FAM43A: variants seen among roughly 807,000 people sequenced by gnomAD.
The protein encoded by FAM43A is family with sequence similarity 43 member A.
Under a neutral mutation model 15.7 loss-of-function variants are expected in FAM43A, and 11 were observed. The ratio of observed to expected loss-of-function variants is 0.70; its 90% CI spans 0.44 to 1.16. The LOEUF (loss-of-function observed/expected upper bound fraction) is 1.16. Ranked by LOEUF, FAM43A falls within the 50% of genes most tolerant of loss-of-function variation. The pLI is 0.00. For synonymous variants in FAM43A, 319 were observed against 291.7 expected (o/e 1.09, Z -0.96); for missense variants, 573 against 620.0 (o/e 0.92, Z 0.80).
Position 194,688,120 on chromosome 3 carries a change from G to C in FAM43A, c.*22G>C, listed in dbSNP as rs1349154654. The C allele has an allele frequency of 1.5e-6, 2 of 1,321,600 alleles. No homozygotes were observed. Among genetic ancestry groups the C allele is most frequent in the Admixed American group, 3.4e-5 (1 of 29,670 alleles). The allele number at this position is 1,321,600 out of a possible 1,614,324, so 81.9% of individuals were successfully genotyped here. A position where few individuals can be genotyped will look rare whatever the true frequency, so the allele number is the denominator to read the frequency against. Reference sequence around the variant, plus strand: ...CTGAGCTCCTCCGCGCGTCGCCGGCGCTCCACCGTGGCTACCCATCCGTGG... The same window carrying C: ...CTGAGCTCCTCCGCGCGTCGCCGGCCCTCCACCGTGGCTACCCATCCGTGG... On this transcript the variant is annotated 3_prime_UTR_variant, in exon 1 of 1. Coordinates refer to ENST00000329759, the MANE Select transcript of FAM43A (RefSeq NM_153690.5).
At position 194,688,652 on chromosome 3, in the gene FAM43A, A is replaced by G. The variant is rs1719485147; in HGVS notation, c.*554A>G. The G allele has an allele frequency of 6.0e-6, 1 of 167,258 alleles. No individual in the cohort carries two copies. Among genetic ancestry groups the G allele is most frequent in the East Asian group, 1.9e-4 (1 of 5,176 alleles). 10.4% of individuals were successfully genotyped at this position (167,258 alleles called of 1,614,324 possible). The stretch of plus-strand genomic sequence containing the variant: ...AGACTCAGACCCCTGAAATGTTGCC[A>G]AATTCTTCAAATAACTGTTTGGGGG... On this transcript the variant is annotated 3_prime_UTR_variant, in exon 1 of 1. Transcript: ENST00000329759.
chr3:194,688,116 C>T lies in FAM43A; in HGVS notation c.*18C>T, dbSNP rs779116440. On this transcript the variant is annotated 3_prime_UTR_variant, in exon 1 of 1. Coordinates refer to ENST00000329759, the MANE Select transcript of FAM43A (RefSeq NM_153690.5). Reference sequence around the variant, plus strand: ...CGGGCTGAGCTCCTCCGCGCGTCGCCGGCGCTCCACCGTGGCTACCCATCC... The same window carrying T: ...CGGGCTGAGCTCCTCCGCGCGTCGCTGGCGCTCCACCGTGGCTACCCATCC... 14 of 1,321,578 alleles carry T rather than the reference C, an allele frequency of 1.1e-5. No individual in the cohort carries two copies. The highest frequency in any genetic ancestry group is 3.0e-5 in the East Asian group (1 of 33,584). The allele number at this position is 1,321,578 out of a possible 1,614,324, so 81.9% of individuals were successfully genotyped here. A position where few individuals can be genotyped will look rare whatever the true frequency, so the allele number is the denominator to read the frequency against.
Position 194,688,094 on chromosome 3 carries a change from G to A in FAM43A, c.1268G>A (p.Gly423Asp). ...GCCAGTGCAGACGAGCCCCACTCGG[G>A]CTGAGCTCCTCCGCGCGTCGCCGGC... ...DGASADEPHS[G>D] Residue 423 changes from glycine (G) to aspartate (D), a missense_variant, in exon 1 of 1, where the codon GGC becomes GAC. Transcript: ENST00000329759. The A allele has an allele frequency of 7.4e-7, 1 of 1,349,100 alleles. No homozygotes were observed. Among genetic ancestry groups the A allele is most frequent in the Non-Finnish European group, 9.6e-7 (1 of 1,045,440 alleles). The allele number at this position is 1,349,100 out of a possible 1,614,324, so 83.6% of individuals were successfully genotyped here. A position where few individuals can be genotyped will look rare whatever the true frequency, so the allele number is the denominator to read the frequency against.
rs368898442 is a variant in FAM43A, at chr3:194,686,319, G to A, written c.-508G>A. 9.2e-5 allele frequency among the ~76,000 whole-genome samples: 14 copies of A among 152,212 alleles called. No individual in the cohort carries two copies. Among genetic ancestry groups the A allele is most frequent in the African/African-American group, 2.7e-4 (11 of 41,454 alleles). On this transcript the variant is annotated 5_prime_UTR_variant, in exon 1 of 1. Coordinates refer to ENST00000329759, the MANE Select transcript of FAM43A (RefSeq NM_153690.5). ...CACACTCGCTGTAGAGTTTCCGCGGGTTTTGGCCCCAGTCCTGAGGGTTGT... is the reference window on the plus strand; with the variant it reads ...CACACTCGCTGTAGAGTTTCCGCGGATTTTGGCCCCAGTCCTGAGGGTTGT...
chr3:194,686,773 C>T lies in FAM43A; in HGVS notation c.-54C>T, dbSNP rs1380472888. ...GGGGCCGGTGGCTCAGCGGGCCTCG[C>T]ACCCGGCGCTCCGCCGCCGCCGCCG... On this transcript the variant is annotated 5_prime_UTR_variant, in exon 1 of 1. Coordinates refer to ENST00000329759, the MANE Select transcript of FAM43A (RefSeq NM_153690.5). 1 of 1,366,834 alleles carries T rather than the reference C, an allele frequency of 7.3e-7. No homozygotes were observed. Among genetic ancestry groups the T allele is most frequent in the East Asian group, 3.0e-5 (1 of 32,870 alleles). 84.7% of individuals were successfully genotyped at this position (1,366,834 alleles called of 1,614,324 possible).
Position 194,686,066 on chromosome 3 carries a change from G to A in FAM43A, c.-761G>A, listed in dbSNP as rs1553848050. Among the ~76,000 whole-genome samples, 2 of 152,338 alleles carry A rather than the reference G, an allele frequency of 1.3e-5. No homozygotes were observed. The highest frequency in any genetic ancestry group is 3.9e-4 in the East Asian group (2 of 5,184). On this transcript the variant is annotated 5_prime_UTR_variant, in exon 1 of 1. Transcript: ENST00000329759. The stretch of plus-strand genomic sequence containing the variant: ...TCCCCTGTTCTCGGAGCCCAGCGCC[G>A]TCTCGGCCAGGCCAGCCCGGACACT...
rs762808685 is a variant in FAM43A, at chr3:194,687,256, G to T, written c.430G>T (p.Val144Leu). The T allele has an allele frequency of 6.9e-6, 11 of 1,597,872 alleles. No individual in the cohort carries two copies. Among genetic ancestry groups the T allele is most frequent in the Non-Finnish European group, 8.5e-6 (10 of 1,178,138 alleles). Residue 144 changes from valine (V) to leucine (L), a missense_variant, in exon 1 of 1, where the codon GTG becomes TTG. Physicochemically the swap from Val to Leu is conservative, Grantham distance 32. Transcript: ENST00000329759. The part of the protein sequence containing the change: ...LYLLHRVTYC[V>L]ADARLPKVFA... Reference sequence around the variant, plus strand: ...CCTGCTGCACCGCGTCACCTACTGCGTGGCCGACGCGCGGCTGCCCAAGGT... The same window carrying T: ...CCTGCTGCACCGCGTCACCTACTGCTTGGCCGACGCGCGGCTGCCCAAGGT...
In FAM43A at chr3:194,686,273, T is replaced by G. The variant is rs1719415841; in HGVS notation, c.-554T>G. Among the ~76,000 whole-genome samples the G allele has an allele frequency of 6.6e-6, 1 of 151,996 alleles. No homozygotes were observed. Among genetic ancestry groups the G allele is most frequent in the Non-Finnish European group, 1.5e-5 (1 of 67,984 alleles). On this transcript the variant is annotated 5_prime_UTR_variant, in exon 1 of 1. Coordinates refer to ENST00000329759, the MANE Select transcript of FAM43A (RefSeq NM_153690.5). Reference sequence around the variant, plus strand: ...TTCCATCTCCAGCACCCCTCGGAGGTGGGGAGCACCGGCCCCTAGGCACAC... The same window carrying G: ...TTCCATCTCCAGCACCCCTCGGAGGGGGGGAGCACCGGCCCCTAGGCACAC...
Position 194,688,013 on chromosome 3 carries a change from G to T in FAM43A, c.1187G>T (p.Gly396Val), listed in dbSNP as rs1195568372. The change falls in exon 1 of 1, where the codon GGG (glycine) becomes GTG (valine). Residue 396 changes from glycine (G) to valine (V), a missense_variant. Transcript: ENST00000329759. Reference sequence around the variant, plus strand: ...GGCAGCGAGAGCTCCATCGAGGGCGGGGGCCCTGACGCCACCTCCGCCACC... The same window carrying T: ...GGCAGCGAGAGCTCCATCGAGGGCGTGGGCCCTGACGCCACCTCCGCCACC... Reference protein sequence around the residue: ...STGSESSIEGGGPDATSATAG... With the variant: ...STGSESSIEGVGPDATSATAG... The T allele has an allele frequency of 1.4e-6, 2 of 1,423,460 alleles. No individual in the cohort carries two copies. The highest frequency in any genetic ancestry group is 1.8e-6 in the Non-Finnish European group (2 of 1,089,526). 88.2% of individuals were successfully genotyped at this position (1,423,460 alleles called of 1,614,324 possible). A position where few individuals can be genotyped will look rare whatever the true frequency, so the allele number is the denominator to read the frequency against.
In FAM43A at chr3:194,687,987, G is replaced by A. The variant is rs11914982; in HGVS notation, c.1161G>A (p.Thr387=). The A allele has an allele frequency of 3.5e-6, 5 of 1,429,908 alleles. No individual in the cohort carries two copies. Among genetic ancestry groups the A allele is most frequent in the East Asian group, 2.7e-5 (1 of 37,426 alleles). 88.6% of individuals were successfully genotyped at this position (1,429,908 alleles called of 1,614,324 possible). The change falls in exon 1 of 1, where the codon ACG becomes ACA. Residue 387 remains threonine, a synonymous_variant. Transcript: ENST00000329759. ...RVTRLLSGDS[T]GSESSIEGGG... ...CGCGCCTGCTGTCAGGCGACAGCAC[G>A]GGCAGCGAGAGCTCCATCGAGGGCG...
chr3:194,687,981 CAG>C lies in FAM43A; in HGVS notation c.1156_1157del (p.Ser386HisfsTer13). On this transcript the variant is annotated frameshift_variant, in exon 1 of 1. Transcript: ENST00000329759. LOFTEE classifies it low-confidence loss of function (END_TRUNC). ...LRVTRLLSGD[S>X]TGSESSIEGG... is the part of the protein sequence containing the mutation. The stretch of plus-strand genomic sequence containing the variant: ...GGGTGACGCGCCTGCTGTCAGGCGA[CAG>C]CACGGGCAGCGAGAGCTCCATCGAG... 1 of 1,430,888 alleles carries C rather than the reference CAG, an allele frequency of 7.0e-7. No individual in the cohort carries two copies. The highest frequency in any genetic ancestry group is 9.2e-7 in the Non-Finnish European group (1 of 1,092,718). The allele number at this position is 1,430,888 out of a possible 1,614,324, so 88.6% of individuals were successfully genotyped here. A position where few individuals can be genotyped will look rare whatever the true frequency, so the allele number is the denominator to read the frequency against.
chr3:194,686,675 T>TC lies in FAM43A; in HGVS notation c.-146dup, dbSNP rs1463083383. 3.0e-6 allele frequency: 2 copies of TC among 655,842 alleles called. No individual in the cohort carries two copies. Among genetic ancestry groups the TC allele is most frequent in the Non-Finnish European group, 4.4e-6 (2 of 455,872 alleles). The allele number at this position is 655,842 out of a possible 1,614,324, so 40.6% of individuals were successfully genotyped here. A position where few individuals can be genotyped will look rare whatever the true frequency, so the allele number is the denominator to read the frequency against. On this transcript the variant is annotated 5_prime_UTR_variant, in exon 1 of 1. Transcript: ENST00000329759. ...TTCCTAAGCACTCTCTCTGCTCCCCTCCCCCCAACTCCCTACCACAGGGCC... is the reference window on the plus strand; with the variant it reads ...TTCCTAAGCACTCTCTCTGCTCCCCTCCCCCCCAACTCCCTACCACAGGGCC...
chr3:194,688,135 C>T lies in FAM43A; in HGVS notation c.*37C>T. ...CGTCGCCGGCGCTCCACCGTGGCTA[C>T]CCATCCGTGGTCCCGACAACCTCCC... On this transcript the variant is annotated 3_prime_UTR_variant, in exon 1 of 1. Coordinates refer to ENST00000329759, the MANE Select transcript of FAM43A (RefSeq NM_153690.5). The T allele has an allele frequency of 7.6e-7, 1 of 1,312,748 alleles. No individual in the cohort carries two copies. Among genetic ancestry groups the T allele is most frequent in the Non-Finnish European group, 9.8e-7 (1 of 1,024,658 alleles). The allele number at this position is 1,312,748 out of a possible 1,614,324, so 81.3% of individuals were successfully genotyped here. A position where few individuals can be genotyped will look rare whatever the true frequency, so the allele number is the denominator to read the frequency against.
At position 194,686,292 on chromosome 3, in the gene FAM43A, G is replaced by A. The variant is rs911384937; in HGVS notation, c.-535G>A. Among the ~76,000 whole-genome samples the A allele has an allele frequency of 6.6e-6, 1 of 152,210 alleles. No homozygotes were observed. The highest frequency in any genetic ancestry group is 6.5e-5 in the Admixed American group (1 of 15,292). On this transcript the variant is annotated 5_prime_UTR_variant, in exon 1 of 1. Transcript: ENST00000329759. ...CGGAGGTGGGGAGCACCGGCCCCTA[G>A]GCACACTCGCTGTAGAGTTTCCGCG...
chr3:194,687,331 C>A lies in FAM43A; in HGVS notation c.505C>A (p.Arg169Ser). The A allele has an allele frequency of 6.5e-7, 1 of 1,545,796 alleles. No individual in the cohort carries two copies. Among genetic ancestry groups the A allele is most frequent in the Non-Finnish European group, 8.7e-7 (1 of 1,151,642 alleles). Residue 169 changes from arginine (R) to serine (S), a missense_variant, in exon 1 of 1, where the codon CGC (arginine) becomes AGC (serine). Transcript: ENST00000329759. ...GCTGAAGCACAAGGCCGTGATGCTG[C>A]GCTGCCACGCCGTGCTGGTGTCCAA... is the stretch of plus-strand genomic sequence containing the variant. ...HELKHKAVML[R>S]CHAVLVSKPE... is the part of the protein sequence containing the mutation.
In FAM43A at chr3:194,686,865, C is replaced by G. The variant is rs1012235017; in HGVS notation, c.39C>G (p.Ala13=). ...PWKKHKFELL[A]EAPPRQASKP... ...AGAAGCACAAGTTCGAGCTGCTGGC[C>G]GAGGCGCCGCCGCGGCAGGCGTCCA... The change falls in exon 1 of 1, where the codon GCC becomes GCG. Residue 13 remains alanine (A), a synonymous_variant. Transcript: ENST00000329759. 1.4e-5 allele frequency: 22 copies of G among 1,598,982 alleles called. 1 individual carries two copies. The Admixed American group carries it at 2.9e-4, about 21-fold the overall frequency.
Position 194,687,235 on chromosome 3 carries a change from C to A in FAM43A, c.409C>A (p.Leu137Met). 6.2e-7 allele frequency: 1 copy of A among 1,601,922 alleles called. No individual in the cohort carries two copies. Among genetic ancestry groups the A allele is most frequent in the Non-Finnish European group, 8.5e-7 (1 of 1,179,146 alleles). Reference sequence around the variant, plus strand: ...GCGCCGCCCGGGCCACCTCTACCTGCTGCACCGCGTCACCTACTGCGTGGC... The same window carrying A: ...GCGCCGCCCGGGCCACCTCTACCTGATGCACCGCGTCACCTACTGCGTGGC... ...ALRRPGHLYLLHRVTYCVADA... is the reference protein window; with the variant it reads ...ALRRPGHLYLMHRVTYCVADA... Residue 137 changes from leucine (L) to methionine (M), a missense_variant, in exon 1 of 1, where the codon CTG becomes ATG. Leu to Met is a conservative substitution (Grantham distance 15). Coordinates refer to ENST00000329759, the MANE Select transcript of FAM43A (RefSeq NM_153690.5).
In FAM43A at chr3:194,687,567, G is replaced by T; in HGVS notation, c.741G>T (p.Ala247=). The change falls in exon 1 of 1, where the codon GCG becomes GCT. Residue 247 remains alanine (A), a synonymous_variant. Transcript: ENST00000329759. ...YKPPVERSRS[A]PKLGSITEDL... is the part of the protein sequence containing the mutation. The stretch of plus-strand genomic sequence containing the variant: ...CGCCGGTGGAGCGCAGCCGCAGCGC[G>T]CCCAAGCTTGGCTCCATCACCGAGG... 6.3e-7 allele frequency: 1 copy of T among 1,586,680 alleles called. No individual in the cohort carries two copies. Among genetic ancestry groups the T allele is most frequent in the South Asian group, 1.1e-5 (1 of 87,422 alleles).
Position 194,688,328 on chromosome 3 carries a change from G to A in FAM43A, c.*230G>A, listed in dbSNP as rs1719477201. On this transcript the variant is annotated 3_prime_UTR_variant, in exon 1 of 1. Transcript: ENST00000329759. ...CGCGTGGGGATGCGGGGAGATTTGAGAGGGGAAAACCCCGCCAGGAGGGAG... is the reference window on the plus strand; with the variant it reads ...CGCGTGGGGATGCGGGGAGATTTGAAAGGGGAAAACCCCGCCAGGAGGGAG... The A allele has an allele frequency of 4.4e-6, 2 of 454,096 alleles. No homozygotes were observed. The highest frequency in any genetic ancestry group is 2.0e-5 in the African/African-American group (1 of 49,188). 28.1% of individuals were successfully genotyped at this position (454,096 alleles called of 1,614,324 possible).
Sources: gnomAD v4.1 joint callset for allele counts (sites outside exome capture counted in the v4.1 genomes callset) on GRCh38, gnomAD v4.1.1 for gene constraint, MANE v1.5 for transcripts, NCBI Gene and HGNC (gene_info 2026-07-23, HGNC 2026-07-21) for gene names.